The following MGAT5 variants were observed in gnomAD, a reference collection of about 807,000 sequenced individuals.
The protein encoded by MGAT5 is alpha-1,6-mannosylglycoprotein 6-beta-N-acetylglucosaminyltransferase, also known as alpha-1,6-mannosylglycoprotein 6-beta-N-acetylglucosaminyltransferase A.
Under a neutral mutation model 94.3 loss-of-function variants are expected in MGAT5, and 30 were observed. The observed-to-expected ratio is 0.32, with a 90% confidence interval of 0.24 to 0.43. The LOEUF is 0.43. Ranked by LOEUF, MGAT5 falls within the 20% of genes least tolerant of loss-of-function variation. MGAT5 has a pLI of 1.00. For missense variants in MGAT5, 691 were observed against 905.5 expected, an observed-to-expected ratio of 0.76 and a Z score of 3.04; for synonymous variants, 310 against 322.9, an observed-to-expected ratio of 0.96 and a Z score of 0.43.
At chr2:134,235,681 C>A (rs1351267434) in intron 1 of MGAT5, among the ~76,000 whole-genome samples, 1 of 151,594 alleles carries the variant, frequency 6.6e-6, no homozygotes, top group African/African-American at 2.4e-5. Context: ...CACCCCAGAT[C>A]CTGCTGTACT....
chr2:134,182,663 C>G (rs1382931053), intron 1 of MGAT5, among the ~76,000 whole-genome samples: 1 of 152,112 alleles, frequency 6.6e-6, no homozygotes, highest in Non-Finnish European at 1.5e-5. Flanking sequence ...GTCACTGTCA[C>G]CGCCACCCCA....
At chr2:134,157,546 A>T (rs1286371032) in intron 1 of MGAT5, among the ~76,000 whole-genome samples, 1 of 152,032 alleles carries the variant, frequency 6.6e-6, no homozygotes, top group Non-Finnish European at 1.5e-5. Context: ...GGCACCAGGG[A>T]CTGGTTGCAT....
At chr2:134,370,953 G>A (rs1269238099) in intron 10 of MGAT5, among the ~76,000 whole-genome samples, 1 of 152,226 alleles carries the variant, frequency 6.6e-6, no homozygotes, top group East Asian at 1.9e-4. Context: ...GTAGGAATAA[G>A]TGTGGAACTA....
chr2:134,243,195 C>T (rs1682062089), intron 1 of MGAT5, among the ~76,000 whole-genome samples: 1 of 151,950 alleles, frequency 6.6e-6, no homozygotes, highest in Non-Finnish European at 1.5e-5. Context: ...AATAAAAATA[C>T]CTCTGCTTGG....
At chr2:134,306,729 G>A (rs1686351280) in intron 2 of MGAT5, among the ~76,000 whole-genome samples, 1 of 152,114 alleles carries the variant, frequency 6.6e-6, no homozygotes, top group Non-Finnish European at 1.5e-5. Context: ...TGCTGACTCT[G>A]TTTTTTGAGT....
intron 9 of MGAT5, among the ~76,000 whole-genome samples, chr2:134,350,828 A>G (rs937214845): frequency 6.6e-6 from 1 of 152,140 alleles, no homozygotes; most frequent in Non-Finnish European, 1.5e-5. Flanking sequence ...GAGAATTCCT[A>G]TTTTCTAAAA....
At chr2:134,155,506 T>C (rs982076927) in intron 1 of MGAT5, among the ~76,000 whole-genome samples, 2 of 152,216 alleles carry the variant, frequency 1.3e-5, no homozygotes, top group East Asian at 1.9e-4. Context: ...GGAATCTACT[T>C]GTTGGAATGT....
intron 10 of MGAT5, among the ~76,000 whole-genome samples, chr2:134,402,175 AC>A (rs1425144101): frequency 6.6e-6 from 1 of 152,244 alleles, no homozygotes; most frequent in East Asian, 1.9e-4. Context: ...CCCAGCTTGT[AC>A]AGTTTAGTCA....
At chr2:134,230,120 G>T (rs1255861591) in intron 1 of MGAT5, among the ~76,000 whole-genome samples, 1 of 152,190 alleles carries the variant, frequency 6.6e-6, no homozygotes, top group Non-Finnish European at 1.5e-5. Context: ...ATTTTTCCAC[G>T]GATGAAGGGG....
chr2:134,145,214 C>CTGTGTGTGTGTGTG lies in MGAT5; in HGVS notation c.-143+24941_-143+24954dup, dbSNP rs59065013. Among the ~76,000 whole-genome samples the CTGTGTGTGTGTGTG allele has an allele frequency of 4.5e-3, 644 of 143,864 alleles. 7 individuals carry two copies. The highest frequency in any genetic ancestry group is 0.015 in the African/African-American group (577 of 38,570). The allele number at this position is 143,864 out of a possible 152,430, so 94.4% of individuals were successfully genotyped here. A position where few individuals can be genotyped will look rare whatever the true frequency, so the allele number is the denominator to read the frequency against. ...GTAAGGTGTGTGTGTGTCTCTCTCT[C>CTGTGTGTGTGTGTG]TGTGTGTGTGTGTGTGTGTGTGTGT... On this transcript the variant is annotated intron_variant, in intron 1 of 16. Transcript: ENST00000409645.
chr2:134,428,358 T>C lies in MGAT5; in HGVS notation c.1795-7T>C. 6.2e-7 allele frequency: 1 copy of C among 1,613,302 alleles called. No individual in the cohort carries two copies. Among genetic ancestry groups the C allele is most frequent in the Non-Finnish European group, 8.5e-7 (1 of 1,179,266 alleles). On this transcript the variant is annotated splice_polypyrimidine_tract_variant and splice_region_variant and intron_variant, in intron 13 of 15. Transcript: ENST00000281923. ...CTCCTTCATGGTATCATGCTCTGTT[T>C]CCACAGATTGAGCCATACATGCCAT...
chr2:134,385,640 C>T (rs1480733773), intron 10 of MGAT5, among the ~76,000 whole-genome samples: 1 of 151,956 alleles, frequency 6.6e-6, no homozygotes, highest in African/African-American at 2.4e-5. Flanking sequence ...CACCAAAATT[C>T]GAGGTAGTAA....
chr2:134,260,189 G>C (rs1683230797), intron 1 of MGAT5, among the ~76,000 whole-genome samples: 3 of 152,212 alleles, frequency 2.0e-5, no homozygotes, highest in African/African-American at 7.2e-5. Flanking sequence ...AGCCCTGTAG[G>C]CTATGACTTC....
intron 13 of MGAT5, among the ~76,000 whole-genome samples, chr2:134,423,451 G>A (rs1684409870): frequency 2.6e-5 from 4 of 152,168 alleles, no homozygotes; most frequent in Admixed American, 2.6e-4. Context: ...CTGGGGTTGT[G>A]GAGGGCGGGG....
chr2:134,351,208 C>T (rs746739447), intron 9 of MGAT5, among the ~76,000 whole-genome samples: 1 of 152,164 alleles, frequency 6.6e-6, no homozygotes, highest in African/African-American at 2.4e-5. Flanking sequence ...GTCCCTGGGG[C>T]ACAGTTCATG....
intron 1 of MGAT5, among the ~76,000 whole-genome samples, chr2:134,165,675 T>G (rs1206192812): frequency 6.6e-6 from 1 of 151,944 alleles, no homozygotes; most frequent in Non-Finnish European, 1.5e-5. Context: ...CTCGGGAGGC[T>G]GAGGCAGGAG....
At chr2:134,257,112 GAT>G (rs1247869247) in intron 1 of MGAT5, among the ~76,000 whole-genome samples, 1 of 152,170 alleles carries the variant, frequency 6.6e-6, no homozygotes, top group Non-Finnish European at 1.5e-5. Flanking sequence ...AATGTCTTTA[GAT>G]ATGTGATAAT....
intron 1 of MGAT5, among the ~76,000 whole-genome samples, chr2:134,227,641 C>T (rs1681132416): frequency 6.6e-6 from 1 of 152,190 alleles, no homozygotes; most frequent in South Asian, 2.1e-4. Flanking sequence ...TTGCATTGCC[C>T]ATTCCTGGGT....
chr2:134,349,727 A>T, intron 8 of MGAT5, 78 bp from the exon 9 acceptor site: 1 of 1,518,840 alleles, frequency 6.6e-7, no homozygotes, highest in South Asian at 1.2e-5. Context: ...AGTAGTCTTG[A>T]AGGAAGGGTT....
Sources: gnomAD v4.1 joint callset for allele counts (sites outside exome capture counted in the v4.1 genomes callset) on GRCh38, gnomAD v4.1.1 for gene constraint, MANE v1.5 for transcripts, NCBI Gene and HGNC (gene_info 2026-07-23, HGNC 2026-07-21) for gene names.